Variants in ATP13A4 observed in about 807,000 individuals in gnomAD.
The protein encoded by ATP13A4 is probable cation-transporting ATPase 13A4.
Under a neutral mutation model 142.5 loss-of-function variants are expected in ATP13A4, and 114 were observed. That is an observed-to-expected ratio of 0.80 (90% CI 0.69 to 0.93). The LOEUF is 0.93. ATP13A4 is among the 40% of genes least tolerant of loss of function. The pLI is 0.00. For missense variants in ATP13A4, 1,392 were observed against 1,454.0 expected (o/e 0.96, Z 0.69); for synonymous variants, 488 against 514.8 (o/e 0.95, Z 0.70).
intron 2 of ATP13A4, among the ~76,000 whole-genome samples, chr3:193,506,325 C>T (rs1009707977): frequency 2.0e-5 from 3 of 152,164 alleles, no homozygotes; most frequent in African/African-American, 7.2e-5. Flanking sequence ...GGACTTTTTA[C>T]ACCTCAGGTC....
At chr3:193,496,379 G>C (rs750513534) in intron 3 of ATP13A4, among the ~76,000 whole-genome samples, 1 of 152,130 alleles carries the variant, frequency 6.6e-6, no homozygotes, top group Non-Finnish European at 1.5e-5. Context: ...TAGACATATA[G>C]ACCAATGGAA....
intron 1 of ATP13A4, among the ~76,000 whole-genome samples, chr3:193,523,489 T>C (rs1045915092): frequency 2.0e-5 from 3 of 152,172 alleles, no homozygotes; most frequent in East Asian, 1.9e-4. Flanking sequence ...CCACCACCAA[T>C]GGCCAATGAT....
chr3:193,576,910 G>A (rs13085347), intron 2 of ATP13A4, among the ~76,000 whole-genome samples: 7 of 152,120 alleles, frequency 4.6e-5, no homozygotes, highest in Non-Finnish European at 1.0e-4. Context: ...AAGATAGAAT[G>A]GATGCTTCCA....
intron 1 of ATP13A4, among the ~76,000 whole-genome samples, chr3:193,541,132 C>T (rs1219351131): frequency 1.7e-4 from 26 of 149,632 alleles, no homozygotes; most frequent in East Asian, 1.2e-3. Context: ...GCCTGTAGTC[C>T]CAGCTACTCG....
rs542037018 is a variant in ATP13A4, at chr3:193,418,273, T to C, written c.2843-3523A>G. 2.5e-4 allele frequency among the ~76,000 whole-genome samples: 34 copies of C among 138,144 alleles called. 1 individual carries two copies. In the South Asian group the frequency reaches 5.6e-3, roughly 23 times the overall value. The allele number at this position is 138,144 out of a possible 152,430, so 90.6% of individuals were successfully genotyped here. Reference sequence around the variant, plus strand: ...GCCAGAGCCTGCAGTGAGCCGAGATTGCGCCACTGCACTCCAGCCTGGGCA... The same window carrying C: ...GCCAGAGCCTGCAGTGAGCCGAGATCGCGCCACTGCACTCCAGCCTGGGCA... On this transcript the variant is annotated intron_variant, in intron 25 of 29. Coordinates refer to ENST00000342695, the MANE Select transcript of ATP13A4 (RefSeq NM_032279.4).
At chr3:193,519,204 T>C (rs1179686964) in intron 1 of ATP13A4, among the ~76,000 whole-genome samples, 1 of 152,106 alleles carries the variant, frequency 6.6e-6, no homozygotes, top group Non-Finnish European at 1.5e-5. Context: ...AACTAGAAAA[T>C]TTTGATTTTG....
intron 25 of ATP13A4, among the ~76,000 whole-genome samples, chr3:193,428,694 A>C (rs1178082514): frequency 1.3e-5 from 2 of 150,978 alleles, no homozygotes; most frequent in African/African-American, 4.9e-5. Flanking sequence ...TGCAGGGACA[A>C]AAAACCAAGC....
intron 1 of ATP13A4, among the ~76,000 whole-genome samples, chr3:193,529,511 GT>G (rs1242393044): frequency 6.6e-6 from 1 of 152,016 alleles, no homozygotes; most frequent in South Asian, 2.1e-4. Context: ...TTTGCCATTT[GT>G]TTTAATCCAG....
intron 8 of ATP13A4, among the ~76,000 whole-genome samples, chr3:193,483,673 C>G (rs1386333991): frequency 1.3e-5 from 2 of 152,194 alleles, no homozygotes; most frequent in African/African-American, 2.4e-5. Context: ...ACCGTGTTAG[C>G]CAGGATCGTC....
At chr3:193,429,016 A>G (rs1440859326) in intron 25 of ATP13A4, among the ~76,000 whole-genome samples, 1 of 152,070 alleles carries the variant, frequency 6.6e-6, no homozygotes, top group African/African-American at 2.4e-5. Flanking sequence ...CATTTCTCCA[A>G]AGAAGACATG....
At chr3:193,526,713 A>C (rs1350373534) in intron 1 of ATP13A4, among the ~76,000 whole-genome samples, 1 of 152,140 alleles carries the variant, frequency 6.6e-6, no homozygotes, top group Non-Finnish European at 1.5e-5. Flanking sequence ...AAATAGTTAG[A>C]AAAAAATAAT....
Position 193,466,147 on chromosome 3 carries a change from T to C in ATP13A4, c.1150A>G (p.Ile384Val), listed in dbSNP as rs1718269567. Residue 384 changes from isoleucine (I) to valine (V), a missense_variant, in exon 11 of 30, where the codon ATT (isoleucine) becomes GTT (valine). Transcript: ENST00000342695. ...AAATTCACTGGCTTAGGGTAGAGAA[T>C]GGATCTCACAAGGTCTCCCTTTGCA... ...NTAKGDLVRSILYPKPVNFQL... is the reference protein window; with the variant it reads ...NTAKGDLVRSVLYPKPVNFQL... The C allele has an allele frequency of 3.1e-6, 5 of 1,614,094 alleles. No homozygotes were observed. Among genetic ancestry groups the C allele is most frequent in the Non-Finnish European group, 4.2e-6 (5 of 1,179,978 alleles).
At chr3:193,474,145 C>G (rs1228624380) in intron 8 of ATP13A4, among the ~76,000 whole-genome samples, 1 of 151,624 alleles carries the variant, frequency 6.6e-6, no homozygotes, top group Non-Finnish European at 1.5e-5. Context: ...TGATGAAACC[C>G]CGTCTCTACT....
chr3:193,434,003 CAT>C (rs1298488919), intron 24 of ATP13A4, 86 bp from the exon 25 acceptor site: 53 of 1,128,660 alleles, frequency 4.7e-5, no homozygotes, highest in Non-Finnish European at 6.4e-5. Context: ...CTCACTGTGA[CAT>C]AGGGTTTTTC....
At chr3:193,526,741 AAAT>A (rs1326110401) in intron 1 of ATP13A4, among the ~76,000 whole-genome samples, 2 of 152,164 alleles carry the variant, frequency 1.3e-5, no homozygotes, top group Non-Finnish European at 2.9e-5. Context: ...AAAGGCAAGG[AAAT>A]AATTATTTAA....
In ATP13A4 at chr3:193,418,602, A is replaced by AT. The variant is rs1359649951; in HGVS notation, c.2843-3853dup. 1.2e-4 allele frequency among the ~76,000 whole-genome samples: 18 copies of AT among 149,524 alleles called. 3 individuals are homozygous for AT. Among genetic ancestry groups the AT allele is most frequent in the East Asian group, 6.3e-4 (3 of 4,756 alleles). On this transcript the variant is annotated intron_variant, in intron 25 of 29. Transcript: ENST00000342695. ...CCAGGATCAGCTTAGAACCAAGAGG[A>AT]TGTCTCCTTGTGGGGAAAAGGTAAG...
chr3:193,524,138 T>C (rs1721875104), intron 1 of ATP13A4, among the ~76,000 whole-genome samples: 2 of 152,202 alleles, frequency 1.3e-5, no homozygotes, highest in Non-Finnish European at 2.9e-5. Flanking sequence ...GATACCCTAC[T>C]ATAGCAATAT....
At chr3:193,484,536 C>T (rs1719495058) in intron 7 of ATP13A4, among the ~76,000 whole-genome samples, 1 of 152,002 alleles carries the variant, frequency 6.6e-6, no homozygotes, top group Admixed American at 6.6e-5. Context: ...GGTTAAAAGT[C>T]CCAGTCATTT....
At chr3:193,573,002 T>C (rs1480343573) in intron 2 of ATP13A4, among the ~76,000 whole-genome samples, 10 of 96,198 alleles carry the variant, frequency 1.0e-4, no homozygotes, top group African/African-American at 4.2e-4. Flanking sequence ...CTGGGCATGG[T>C]GTGCACACCT....
Sources: allele counts gnomAD v4.1 joint callset (sites outside exome capture counted in the v4.1 genomes callset), GRCh38; gene constraint gnomAD v4.1.1; transcripts MANE v1.5; gene names NCBI Gene and HGNC (gene_info 2026-07-23, HGNC 2026-07-21).